Variants in RAPGEF6 observed in about 807,000 individuals in gnomAD.
The protein encoded by RAPGEF6 is PDZ domain containing guanine nucleotide exchange factor (GEF) 2.
A neutral mutation model predicts 171.4 loss-of-function variants in RAPGEF6; 56 were observed. The observed-to-expected ratio is 0.33, with a 90% CI of 0.26 to 0.41. The LOEUF is 0.41. Among genes scored for constraint, RAPGEF6 ranks in the 10% least tolerant of loss-of-function variants. The pLI is 1.00. For synonymous variants in RAPGEF6, 692 were observed against 650.1 expected, an observed-to-expected ratio of 1.06 and a Z score of -0.98; for missense variants, 1,674 against 1,921.4, an observed-to-expected ratio of 0.87 and a Z score of 2.41.
intron 15 of RAPGEF6, among the ~76,000 whole-genome samples, chr5:131,487,122 A>G (rs746241358): frequency 1.1e-4 from 16 of 152,070 alleles, no homozygotes; most frequent in Non-Finnish European, 2.4e-4. Context: ...GCTCTTAAAG[A>G]TGGTGTGTCT....
chr5:131,456,989 T>C (rs1427673752), intron 19 of RAPGEF6, among the ~76,000 whole-genome samples: 1 of 152,174 alleles, frequency 6.6e-6, no homozygotes, highest in Non-Finnish European at 1.5e-5. Context: ...CAGCTGAAGA[T>C]ACCAATGAAA....
At chr5:131,612,179 C>T (rs938885962) in intron 1 of RAPGEF6, among the ~76,000 whole-genome samples, 3 of 146,150 alleles carry the variant, frequency 2.1e-5, no homozygotes, top group Non-Finnish European at 3.0e-5. Context: ...GGACTACAGG[C>T]GTGCACCACC....
rs751000560 is a variant in RAPGEF6, at chr5:131,484,222, CTTTTTTTTTTT to C, written c.1841-4480_1841-4470del. Among the ~76,000 whole-genome samples, 28 of 74,110 alleles carry C rather than the reference CTTTTTTTTTTT, an allele frequency of 3.8e-4. 1 individual carries two copies. The highest frequency in any genetic ancestry group is 6.7e-4 in the Non-Finnish European group (27 of 40,584). The allele number at this position is 74,110 out of a possible 152,430, so 48.6% of individuals were successfully genotyped here. A position where few individuals can be genotyped will look rare whatever the true frequency, so the allele number is the denominator to read the frequency against. On this transcript the variant is annotated intron_variant, in intron 15 of 27. Transcript: ENST00000509018. ...AGACTGATTATACCCACTGCAGAGG[CTTTTTTTTTTT>C]TTTTTTTTTTTTGAGACAGAGTCTT...
rs779323027 is a variant in RAPGEF6 at position 131,508,224 on chromosome 5, A to G, written c.806-17T>C. ...GCAATTGTTCTATAAGAAAACAGAA[A>G]TTCTGGTATAAAGACCATCGAGGAC... On this transcript the variant is annotated splice_polypyrimidine_tract_variant and intron_variant, in intron 8 of 27. Transcript: ENST00000509018. 6.3e-7 allele frequency: 1 copy of G among 1,598,550 alleles called. No homozygotes were observed. The highest frequency in any genetic ancestry group is 8.5e-7 in the Non-Finnish European group (1 of 1,173,714).
At chr5:131,489,469 T>C in intron 15 of RAPGEF6, 77 bp downstream of exon 15, 1 of 804,248 alleles carries the variant, frequency 1.2e-6, no homozygotes, top group South Asian at 1.7e-5. Context: ...TTTTACTATC[T>C]TTTCTTCCAC....
intron 7 of RAPGEF6, among the ~76,000 whole-genome samples, chr5:131,516,514 G>A (rs73786694): frequency 6.6e-6 from 1 of 152,090 alleles, no homozygotes; most frequent in Non-Finnish European, 1.5e-5. Flanking sequence ...TGAAGTCTTG[G>A]GATTTTTAAG....
chr5:131,512,176 G>A (rs1314393815), intron 7 of RAPGEF6, among the ~76,000 whole-genome samples: 1 of 152,140 alleles, frequency 6.6e-6, no homozygotes, highest in Admixed American at 6.5e-5. Flanking sequence ...AGCATGTGCT[G>A]CAAAGAGCAT....
At chr5:131,587,337 T>C (rs1055306538) in intron 4 of RAPGEF6, among the ~76,000 whole-genome samples, 1 of 152,162 alleles carries the variant, frequency 6.6e-6, no homozygotes, top group Non-Finnish European at 1.5e-5. Context: ...AAGGTATACA[T>C]ATCCACAGGC....
intron 21 of RAPGEF6, among the ~76,000 whole-genome samples, chr5:131,450,402 A>G (rs1752990033): frequency 6.6e-6 from 1 of 152,210 alleles, no homozygotes; most frequent in African/African-American, 2.4e-5. Flanking sequence ...AAGACCTTAA[A>G]GGAATAGAAT....
At chr5:131,606,929 A>G (rs1357487907) in intron 1 of RAPGEF6, among the ~76,000 whole-genome samples, 2 of 152,178 alleles carry the variant, frequency 1.3e-5, no homozygotes, top group African/African-American at 2.4e-5. Flanking sequence ...TTGAGGCTCT[A>G]CGGGGTAAAA....
chr5:131,433,557 A>G lies in RAPGEF6; in HGVS notation c.3847T>C (p.Ser1283Pro). Residue 1283 changes from serine to proline, a missense_variant, in exon 25 of 28, where the codon TCC becomes CCC. Transcript: ENST00000509018. ...TCATCCTGTAGAGCTGCAGACATGG[A>G]GTCAACAGAACAATTGCTCACGATG... is the stretch of plus-strand genomic sequence containing the variant. ...SSIVSNCSVD[S>P]MSAALQDERC... is the part of the protein sequence containing the mutation. 6.2e-7 allele frequency: 1 copy of G among 1,613,194 alleles called. No homozygotes were observed. The highest frequency in any genetic ancestry group is 2.2e-5 in the East Asian group (1 of 44,872).
At chr5:131,612,161 A>G (rs929989365) in intron 1 of RAPGEF6, among the ~76,000 whole-genome samples, 22 of 150,134 alleles carry the variant, frequency 1.5e-4, no homozygotes, top group African/African-American at 5.1e-4. Context: ...TGGCCTTCCA[A>G]GTGGCTGGGA....
chr5:131,464,986 T>A (rs1580866192), intron 17 of RAPGEF6, among the ~76,000 whole-genome samples: 1 of 152,124 alleles, frequency 6.6e-6, no homozygotes, highest in South Asian at 2.1e-4. Flanking sequence ...TCCAAAAAAA[T>A]ATCATTATTT....
intron 12 of RAPGEF6, among the ~76,000 whole-genome samples, chr5:131,497,221 T>C (rs956628829): frequency 6.6e-6 from 1 of 152,238 alleles, no homozygotes; most frequent in African/African-American, 2.4e-5. Context: ...TAAACTGTGC[T>C]GTCTTTTCGT....
intron 4 of RAPGEF6, among the ~76,000 whole-genome samples, chr5:131,591,983 G>A (rs1763618879): frequency 6.6e-6 from 1 of 152,022 alleles, no homozygotes; most frequent in African/African-American, 2.4e-5. Flanking sequence ...TCAGCCTTCT[G>A]AGTAGCTGGA....
At chr5:131,468,561 T>G (rs1405132674) in intron 17 of RAPGEF6, among the ~76,000 whole-genome samples, 1 of 97,826 alleles carries the variant, frequency 1.0e-5, no homozygotes, top group Non-Finnish European at 2.2e-5. Flanking sequence ...TGGGAGAACT[T>G]TTAGGTATTT....
chr5:131,451,080 C>A (rs771829306), intron 21 of RAPGEF6, among the ~76,000 whole-genome samples: 1 of 152,144 alleles, frequency 6.6e-6, no homozygotes, highest in Non-Finnish European at 1.5e-5. Flanking sequence ...CAACAAAAAA[C>A]CAAACAAACC....
At chr5:131,469,196 G>C (rs1356831865) in intron 17 of RAPGEF6, among the ~76,000 whole-genome samples, 1 of 152,112 alleles carries the variant, frequency 6.6e-6, no homozygotes, top group African/African-American at 2.4e-5. Context: ...CATCTCATTT[G>C]GGGTGAAAGC....
At chr5:131,585,377 T>G (rs1763196854) in intron 4 of RAPGEF6, among the ~76,000 whole-genome samples, 1 of 151,678 alleles carries the variant, frequency 6.6e-6, no homozygotes, top group Non-Finnish European at 1.5e-5. Flanking sequence ...ATCTTGAGCC[T>G]CCCAAATCAC....
Sources: allele counts gnomAD v4.1 joint callset (sites outside exome capture counted in the v4.1 genomes callset), GRCh38; gene constraint gnomAD v4.1.1; transcripts MANE v1.5; gene names NCBI Gene and HGNC (gene_info 2026-07-23, HGNC 2026-07-21).